Variants in MKLN1 observed in about 807,000 individuals in gnomAD.
MKLN1 encodes the protein muskelin.
MKLN1 carries 18 observed loss-of-function variants against 99.0 expected under a neutral mutation model. The observed-to-expected ratio is 0.18, with a 90% confidence interval of 0.13 to 0.27. MKLN1 has a LOEUF of 0.27. Among genes scored for constraint, MKLN1 ranks in the 10% least tolerant of loss-of-function variants. The pLI, the probability that MKLN1 is intolerant of heterozygous loss-of-function variation, is 1.00. For synonymous variants in MKLN1, 288 were observed against 293.2 expected, an observed-to-expected ratio of 0.98 and a Z score of 0.18; for missense variants, 621 against 875.9, an observed-to-expected ratio of 0.71 and a Z score of 3.67.
chr7:131,191,148 C>T (rs1164797823), intron 2 of MKLN1, among the ~76,000 whole-genome samples: 1 of 152,140 alleles, frequency 6.6e-6, no homozygotes, highest in Non-Finnish European at 1.5e-5. Flanking sequence ...GGTGAGCCCC[C>T]GTGGGGTTGT....
At chr7:131,132,868 G>C (rs1194030879) in intron 1 of MKLN1, among the ~76,000 whole-genome samples, 2 of 145,062 alleles carry the variant, frequency 1.4e-5, no homozygotes, top group Non-Finnish European at 3.0e-5. Context: ...GGAGGTTGCA[G>C]TGGACCGAGA....
chr7:131,171,926 G>A (rs1232158964), intron 2 of MKLN1, among the ~76,000 whole-genome samples: 1 of 152,108 alleles, frequency 6.6e-6, no homozygotes, highest in African/African-American at 2.4e-5. Context: ...AAATGTCCAG[G>A]GTGTATTTTG....
intron 2 of MKLN1, among the ~76,000 whole-genome samples, chr7:131,191,452 AAGAC>A (rs1796540086): frequency 6.6e-6 from 1 of 152,224 alleles, no homozygotes; most frequent in Non-Finnish European, 1.5e-5. Flanking sequence ...ATATTGAGGG[AAGAC>A]TGTTGGTCAG....
intron 1 of MKLN1, among the ~76,000 whole-genome samples, chr7:131,336,755 T>G (rs946499593): frequency 2.6e-5 from 4 of 152,160 alleles, no homozygotes; most frequent in Admixed American, 6.5e-5. Context: ...TATGTTGTCA[T>G]TGTCATGCAT....
chr7:131,278,521 C>T (rs1171652042), intron 3 of MKLN1, among the ~76,000 whole-genome samples: 1 of 152,066 alleles, frequency 6.6e-6, no homozygotes, highest in East Asian at 1.9e-4. Flanking sequence ...TTTAGGTGCT[C>T]ATTATCCTCA....
At chr7:131,152,499 TTC>T (rs1436046749) in intron 2 of MKLN1, among the ~76,000 whole-genome samples, 2,010 of 131,468 alleles carry the variant, frequency 0.015, 53 homozygotes, top group African/African-American at 0.048. Context: ...GTTTCTTTTT[TTC>T]TTTTTTTTTT....
At chr7:131,235,345 GC>G (rs1797305751) in intron 3 of MKLN1, among the ~76,000 whole-genome samples, 1 of 150,450 alleles carries the variant, frequency 6.6e-6, no homozygotes, top group African/African-American at 2.5e-5. Context: ...GAGAGAGAGA[GC>G]ATCTTCAGAC....
chr7:131,477,035 A>G (rs1285727161), intron 16 of MKLN1, among the ~76,000 whole-genome samples: 1 of 152,210 alleles, frequency 6.6e-6, no homozygotes, highest in Non-Finnish European at 1.5e-5. Flanking sequence ...AACCTTTCTC[A>G]CTGTTTACTG....
At chr7:131,137,885 A>G (rs1795673176) in intron 1 of MKLN1, among the ~76,000 whole-genome samples, 1 of 150,144 alleles carries the variant, frequency 6.7e-6, no homozygotes, top group Non-Finnish European at 1.5e-5. Context: ...AGAACACATG[A>G]ACATTTTGGT....
At chr7:131,260,678 G>A (rs1384414121) in intron 3 of MKLN1, among the ~76,000 whole-genome samples, 1 of 152,150 alleles carries the variant, frequency 6.6e-6, no homozygotes, top group Non-Finnish European at 1.5e-5. Context: ...AAAGCTGGAG[G>A]CATCACGTTA....
At position 131,220,408 on chromosome 7, in the gene MKLN1, C is replaced by T. The variant is rs551609434; in HGVS notation, c.-179+17434C>T. On this transcript the variant is annotated intron_variant, in intron 3 of 7. Transcript: ENST00000416992. ...GAAGCTGGATCTTCATTCTGAAGGC[C>T]CTTGTATACATGTAACCGTAATAGG... 2.0e-5 allele frequency among the ~76,000 whole-genome samples: 3 copies of T among 151,718 alleles called. 1 individual carries two copies. The South Asian group carries it at 6.3e-4, about 32-fold the overall frequency.
intron 1 of MKLN1, among the ~76,000 whole-genome samples, chr7:131,113,411 A>G (rs1317609399): frequency 6.6e-6 from 1 of 152,246 alleles, no homozygotes; most frequent in African/African-American, 2.4e-5. Flanking sequence ...GGAGAAATCC[A>G]GAAAGATTAG....
intron 17 of MKLN1, among the ~76,000 whole-genome samples, chr7:131,486,273 C>G (rs1430518262): frequency 1.3e-5 from 2 of 148,740 alleles, no homozygotes; most frequent in East Asian, 2.0e-4. Flanking sequence ...AAAAAAAAAG[C>G]ATAAAATAGG....
chr7:131,224,702 G>A (rs1209457900), intron 3 of MKLN1, among the ~76,000 whole-genome samples: 1 of 151,806 alleles, frequency 6.6e-6, no homozygotes, highest in Non-Finnish European at 1.5e-5. Flanking sequence ...GCCACTGCGT[G>A]ACAGAGTGAG....
intron 3 of MKLN1, among the ~76,000 whole-genome samples, chr7:131,262,782 G>A (rs979273771): frequency 2.0e-5 from 3 of 151,992 alleles, no homozygotes; most frequent in Admixed American, 6.6e-5. Flanking sequence ...ATCTGACCTC[G>A]TGATCCGCCC....
intron 1 of MKLN1, among the ~76,000 whole-genome samples, chr7:131,137,511 G>A (rs1227260918): frequency 1.3e-5 from 2 of 152,102 alleles, no homozygotes; most frequent in Admixed American, 1.3e-4. Context: ...GGATTGATTG[G>A]TTTAATTCTA....
At chr7:131,201,166 C>T (rs1181928539) in intron 2 of MKLN1, among the ~76,000 whole-genome samples, 2 of 152,194 alleles carry the variant, frequency 1.3e-5, no homozygotes, top group Non-Finnish European at 1.5e-5. Flanking sequence ...ATTACAGGCA[C>T]CCACCACCAC....
At chr7:131,362,955 G>A (rs933832438) in intron 1 of MKLN1, among the ~76,000 whole-genome samples, 16 of 151,774 alleles carry the variant, frequency 1.1e-4, no homozygotes, top group African/African-American at 3.1e-4. Flanking sequence ...TAAAAGTAAT[G>A]ATAATAAAAA....
In MKLN1 at chr7:131,465,131, A is replaced by G. The variant is rs1320003004; in HGVS notation, c.1788+723A>G. Among the ~76,000 whole-genome samples the G allele has an allele frequency of 3.3e-5, 5 of 152,330 alleles. No individual in the cohort carries two copies. In the East Asian group the frequency reaches 7.7e-4, roughly 23 times the overall value. ...AAGGAGTAAATGAATTTCCATCCAT[A>G]GGATAGAGATAATAACTATTATATA... On this transcript the variant is annotated intron_variant, in intron 14 of 17. Coordinates refer to ENST00000352689, the MANE Select transcript of MKLN1 (RefSeq NM_013255.5).
Sources: allele counts gnomAD v4.1 joint callset (sites outside exome capture counted in the v4.1 genomes callset), GRCh38; gene constraint gnomAD v4.1.1; transcripts MANE v1.5; gene names NCBI Gene and HGNC (gene_info 2026-07-23, HGNC 2026-07-21).